The following CUBN variants were observed in gnomAD, a reference collection of about 807,000 sequenced individuals.
CUBN encodes 460 kDa receptor.
In CUBN, 282 loss-of-function variants were observed where a neutral mutation model predicts 405.3. That is an observed-to-expected ratio of 0.70 (90% CI 0.63 to 0.77). The LOEUF (loss-of-function observed/expected upper bound fraction) is 0.77. Among genes scored for constraint, CUBN ranks in the 30% least tolerant of loss-of-function variants. The probability of loss-of-function intolerance (pLI) is 0.00; values close to 1 mark genes in which losing one functional copy is unlikely to be tolerated. For missense variants in CUBN, 4,514 were observed against 4,475.2 expected (o/e 1.01, Z -0.25); for synonymous variants, 1,684 against 1,617.0 (o/e 1.04, Z -0.99).
chr10:17,106,832 A>C (rs992695422), intron 10 of CUBN, among the ~76,000 whole-genome samples: 5 of 152,204 alleles, frequency 3.3e-5, no homozygotes, highest in African/African-American at 1.2e-4. Context: ...TGCAGATTGC[A>C]TGCTGCCAGT....
intron 14 of CUBN, among the ~76,000 whole-genome samples, chr10:17,093,858 A>T (rs1836317172): frequency 1.3e-5 from 2 of 152,122 alleles, no homozygotes; most frequent in Non-Finnish European, 2.9e-5. Flanking sequence ...CCAAAACAAA[A>T]TAACCAAATG....
At position 16,829,021 on chromosome 10, in the gene CUBN, A is replaced by G; in HGVS notation, c.10548T>C (p.Tyr3516=). The G allele has an allele frequency of 6.2e-7, 1 of 1,614,070 alleles. No homozygotes were observed. The highest frequency in any genetic ancestry group is 1.7e-5 in the Admixed American group (1 of 60,004). Residue 3516 remains tyrosine (Y), a synonymous_variant, in exon 66 of 67, where the codon TAT becomes TAC. Transcript: ENST00000377833. ...GGCTGGTGAATGAGCCTCTGTCTCC[A>G]TAAAGAGTTCCACCACATCCTGCAA... The part of the protein sequence containing the change: ...SSPSGCGGTL[Y]GDRGSFTSPG...
At chr10:16,831,539 G>A in intron 64 of CUBN, 122 bp from the exon 65 acceptor site, 2 of 896,766 alleles carry the variant, frequency 2.2e-6, no homozygotes, top group Non-Finnish European at 3.6e-6. Flanking sequence ...ATACAGTTAA[G>A]AATGAAGCGT....
intron 43 of CUBN, 56 bp from the exon 44 acceptor site, chr10:16,920,193 T>C: frequency 1.3e-6 from 2 of 1,543,024 alleles, no homozygotes; most frequent in Non-Finnish European, 1.8e-6. Flanking sequence ...ATGCAGTCAA[T>C]GGCCACAAAT....
chr10:16,927,561 T>A (rs1240607274), intron 41 of CUBN, among the ~76,000 whole-genome samples: 3 of 152,234 alleles, frequency 2.0e-5, no homozygotes, highest in African/African-American at 7.2e-5. Context: ...TGAGAGTCTT[T>A]CACTCTTCCT....
chr10:16,922,111 A>C (rs532464756), intron 43 of CUBN, among the ~76,000 whole-genome samples: 15 of 150,610 alleles, frequency 1.0e-4, no homozygotes, highest in Admixed American at 6.6e-5. Context: ...TCTTAACACT[A>C]GAATTAGGTT....
At chr10:17,083,602 T>G (rs888391064) in intron 17 of CUBN, among the ~76,000 whole-genome samples, 1 of 152,270 alleles carries the variant, frequency 6.6e-6, no homozygotes, top group South Asian at 2.1e-4. Flanking sequence ...GATCTTATGC[T>G]AAAGTTCTGT....
chr10:17,126,772 C>G lies in CUBN; in HGVS notation c.376G>C (p.Gly126Arg). 6.2e-7 allele frequency: 1 copy of G among 1,614,104 alleles called. No homozygotes were observed. The highest frequency in any genetic ancestry group is 8.5e-7 in the Non-Finnish European group (1 of 1,180,018). Residue 126 changes from glycine (G) to arginine (R), a missense_variant, in exon 4 of 67, where the codon GGC (glycine) becomes CGC (arginine). By Grantham distance (125) the Gly-to-Arg change is moderately radical. Transcript: ENST00000377833. ...KLVDLERKFQGLQQTVDKKVC... is the reference protein window; with the variant it reads ...KLVDLERKFQRLQQTVDKKVC... ...AGCATGAGACCTACCTGCTGCAAGC[C>G]TTGGAATTTTCTCTCAAGATCCACC...
chr10:17,099,374 G>A (rs1353150797), intron 14 of CUBN, among the ~76,000 whole-genome samples: 1 of 152,010 alleles, frequency 6.6e-6, no homozygotes, highest in East Asian at 1.9e-4. Context: ...CTACATGAAG[G>A]GGTGGACAAT....
At chr10:16,934,998 T>C (rs1842460088) in intron 39 of CUBN, among the ~76,000 whole-genome samples, 1 of 152,196 alleles carries the variant, frequency 6.6e-6, no homozygotes, top group African/African-American at 2.4e-5. Flanking sequence ...CTTGACACAT[T>C]GAATTTCCTT....
chr10:16,938,531 G>GCATCC (rs1842577286), intron 38 of CUBN, among the ~76,000 whole-genome samples: 1 of 152,122 alleles, frequency 6.6e-6, no homozygotes, highest in Admixed American at 6.5e-5. Flanking sequence ...TAGCCTGTAA[G>GCATCC]CATCCGATTG....
intron 52 of CUBN, 113 bp from the exon 53 acceptor site, chr10:16,900,963 C>G: frequency 3.6e-6 from 3 of 842,288 alleles, no homozygotes; most frequent in Non-Finnish European, 5.7e-6. Flanking sequence ...GTATTTTTGT[C>G]TCTTATTTAA....
At chr10:16,860,795 T>A (rs1839990684) in intron 59 of CUBN, among the ~76,000 whole-genome samples, 1 of 152,222 alleles carries the variant, frequency 6.6e-6, no homozygotes, top group Non-Finnish European at 1.5e-5. Context: ...TCTTTCTTTA[T>A]TTTCATGGTA....
chr10:17,028,938 T>C lies in CUBN; in HGVS notation c.4018-8955A>G, dbSNP rs913167455. The stretch of plus-strand genomic sequence containing the variant: ...TAGCATTTTGCTCAATGCATGCTTA[T>C]TCATACCATGAGCCTGTCTGATAGT... On this transcript the variant is annotated intron_variant, in intron 27 of 66. Transcript: ENST00000377833. Among the ~76,000 whole-genome samples the C allele has an allele frequency of 2.0e-4, 30 of 152,342 alleles. No homozygotes were observed. The Middle Eastern group carries it at 0.01, about 52-fold the overall frequency.
At chr10:16,919,834 T>C (rs1045590516) in intron 44 of CUBN, 129 bp downstream of exon 44, 8 of 1,033,692 alleles carry the variant, frequency 7.7e-6, no homozygotes, top group Non-Finnish European at 1.2e-5. Flanking sequence ...CCTGAGCCAT[T>C]AAGCATTTCC....
intron 17 of CUBN, among the ~76,000 whole-genome samples, chr10:17,076,482 C>CAAAAA (rs79168650): frequency 7.3e-6 from 1 of 137,744 alleles, no homozygotes. Flanking sequence ...GCACCCCCAC[C>CAAAAA]AAAAAAAAAA....
intron 8 of CUBN, among the ~76,000 whole-genome samples, chr10:17,111,807 C>A (rs1377152815): frequency 6.6e-6 from 1 of 152,146 alleles, no homozygotes; most frequent in Non-Finnish European, 1.5e-5. Context: ...GCCTGTAGTC[C>A]CAGCTACTTG....
At position 16,869,617 on chromosome 10, in the gene CUBN, A is replaced by G; in HGVS notation, c.9454+19T>C. The G allele has an allele frequency of 6.4e-7, 1 of 1,561,734 alleles. No homozygotes were observed. Among genetic ancestry groups the G allele is most frequent in the Non-Finnish European group, 8.8e-7 (1 of 1,133,548 alleles). On this transcript the variant is annotated intron_variant, in intron 59 of 66. Transcript: ENST00000377833. ...GGTAACAGTCCTGACAAATAGATTT[A>G]CAAGTCCAGAATTCTTACCCAATGT...
intron 13 of CUBN, among the ~76,000 whole-genome samples, chr10:17,101,370 C>T (rs1056665328): frequency 6.6e-6 from 1 of 151,552 alleles, no homozygotes; most frequent in Admixed American, 6.6e-5. Flanking sequence ...GTTTTCAATG[C>T]CAGGAAATAG....
Sources: allele counts gnomAD v4.1 joint callset (sites outside exome capture counted in the v4.1 genomes callset), GRCh38; gene constraint gnomAD v4.1.1; transcripts MANE v1.5; gene names NCBI Gene and HGNC (gene_info 2026-07-23, HGNC 2026-07-21).